The following RBFOX1 variants were observed in gnomAD, a reference collection of about 807,000 sequenced individuals.
RBFOX1 encodes the protein RNA binding protein fox-1 homolog 1.
RBFOX1 carries 8 observed loss-of-function variants against 57.7 expected under a neutral mutation model. The ratio of observed to expected loss-of-function variants is 0.14; its 90% CI spans 0.08 to 0.25. The LOEUF (loss-of-function observed/expected upper bound fraction) is 0.25, where lower values mean the gene tolerates loss of function less well. Among genes scored for constraint, RBFOX1 ranks in the 10% least tolerant of loss-of-function variants. The pLI is 1.00. For synonymous variants in RBFOX1, 326 were observed against 222.4 expected, an observed-to-expected ratio of 1.47 and a Z score of -4.15; for missense variants, 611 against 548.5, an observed-to-expected ratio of 1.11 and a Z score of -1.14.
chr16:7,092,764 A>G, intron 4 of RBFOX1, among the ~76,000 whole-genome samples: 1 of 152,194 alleles, frequency 6.6e-6, no homozygotes, highest in Non-Finnish European at 1.5e-5. Flanking sequence ...ATTGCTTGTT[A>G]ATATTAATCA....
chr16:7,095,842 C>T (rs1340694012), intron 4 of RBFOX1, among the ~76,000 whole-genome samples: 1 of 151,916 alleles, frequency 6.6e-6, no homozygotes, highest in Non-Finnish European at 1.5e-5. Context: ...GAAACACCTT[C>T]TGTACTAAAA....
rs990447088 is a variant in RBFOX1 at position 6,310,562 on chromosome 16, G to A, written c.-126-6433G>A. ...GTGGGCATTATTATACCCATTCTAT[G>A]GACAAAAAAACTGAAGCTCCAAGCG... is the stretch of plus-strand genomic sequence containing the variant. On this transcript the variant is annotated intron_variant, in intron 1 of 15. Transcript: ENST00000550418. 8.8e-5 allele frequency among the ~76,000 whole-genome samples: 12 copies of A among 136,340 alleles called. No homozygotes were observed. In the South Asian group the frequency reaches 2.6e-3, roughly 29 times the overall value. The allele number at this position is 136,340 out of a possible 152,430, so 89.4% of individuals were successfully genotyped here.
intron 3 of RBFOX1, among the ~76,000 whole-genome samples, chr16:5,767,626 G>C (rs1330803814): frequency 6.6e-6 from 1 of 151,962 alleles, no homozygotes; most frequent in Non-Finnish European, 1.5e-5. Context: ...GACACAACGG[G>C]ATTTGCCAGG....
intron 3 of RBFOX1, among the ~76,000 whole-genome samples, chr16:6,753,337 A>G (rs978805851): frequency 5.9e-5 from 9 of 152,208 alleles, no homozygotes; most frequent in African/African-American, 2.2e-4. Flanking sequence ...TGCATACTGC[A>G]GTATTGGAAA....
Position 7,268,985 on chromosome 16 carries a change from C to G in RBFOX1, c.27+216887C>G, listed in dbSNP as rs559298783. Among the ~76,000 whole-genome samples, 4 of 138,926 alleles carry G rather than the reference C, an allele frequency of 2.9e-5. No homozygotes were observed. In the South Asian group the frequency reaches 8.9e-4, roughly 31 times the overall value. 91.1% of individuals were successfully genotyped at this position (138,926 alleles called of 152,430 possible). A position where few individuals can be genotyped will look rare whatever the true frequency, so the allele number is the denominator to read the frequency against. On this transcript the variant is annotated intron_variant, in intron 4 of 15. Coordinates refer to ENST00000550418, the MANE Select transcript of RBFOX1 (RefSeq NM_018723.4). ...CCTGAAGGCAGAGTTTGCAGTGAGC[C>G]GAGATCACGCCAGTGCACTCCAGCT... is the stretch of plus-strand genomic sequence containing the variant.
chr16:7,041,297 T>C lies in RBFOX1; in HGVS notation c.-15-10760T>C, dbSNP rs554738499. 9.9e-5 allele frequency among the ~76,000 whole-genome samples: 15 copies of C among 152,140 alleles called. No homozygotes were observed. In the East Asian group the frequency reaches 2.9e-3, roughly 29 times the overall value. On this transcript the variant is annotated intron_variant, in intron 3 of 15. Transcript: ENST00000550418. The stretch of plus-strand genomic sequence containing the variant: ...TTGTTTACACGTTGTCAGTGGCTGC[T>C]TTTCCACCATAATGGGAGAACCGAG...
At chr16:6,679,159 C>T (rs902703698) in intron 3 of RBFOX1, among the ~76,000 whole-genome samples, 3 of 152,058 alleles carry the variant, frequency 2.0e-5, no homozygotes, top group African/African-American at 7.2e-5. Context: ...TTGCAGTGTT[C>T]CACCCATTCA....
chr16:5,736,870 C>T (rs902427280), intron 3 of RBFOX1, among the ~76,000 whole-genome samples: 1 of 148,334 alleles, frequency 6.7e-6, no homozygotes, highest in African/African-American at 2.5e-5. Flanking sequence ...TCTTTCCCTC[C>T]CTTCTTCCTT....
chr16:5,299,734 C>T (rs767884363), intron 1 of RBFOX1, among the ~76,000 whole-genome samples: 1 of 152,108 alleles, frequency 6.6e-6, no homozygotes, highest in Non-Finnish European at 1.5e-5. Flanking sequence ...ATGCCATTTG[C>T]AAATATTGAT....
At chr16:6,660,515 C>T (rs920646279) in intron 3 of RBFOX1, among the ~76,000 whole-genome samples, 1 of 152,182 alleles carries the variant, frequency 6.6e-6, no homozygotes, top group Non-Finnish European at 1.5e-5. Context: ...CTCAGAGATT[C>T]TTACTCCAGA....
At chr16:6,774,348 C>G (rs763265786) in intron 3 of RBFOX1, among the ~76,000 whole-genome samples, 1 of 151,924 alleles carries the variant, frequency 6.6e-6, no homozygotes, top group Non-Finnish European at 1.5e-5. Flanking sequence ...CTGGACATTT[C>G]TAACTGGCCA....
At chr16:6,843,317 C>T (rs1429614283) in intron 3 of RBFOX1, among the ~76,000 whole-genome samples, 1 of 151,186 alleles carries the variant, frequency 6.6e-6, no homozygotes, top group Non-Finnish European at 1.5e-5. Flanking sequence ...TCTTCTGGAG[C>T]AAATAGAGAA....
chr16:6,806,825 T>A (rs7202001), intron 3 of RBFOX1, among the ~76,000 whole-genome samples: 62 of 50,064 alleles, frequency 1.2e-3, no homozygotes, highest in African/African-American at 4.2e-3. Context: ...TAAATATATA[T>A]ATATATATAT....
chr16:7,393,904 A>G (rs1175483718), intron 4 of RBFOX1, among the ~76,000 whole-genome samples: 1 of 152,158 alleles, frequency 6.6e-6, no homozygotes, highest in East Asian at 1.9e-4. Flanking sequence ...AAGATGGTTC[A>G]TCAAGCTAGG....
intron 4 of RBFOX1, among the ~76,000 whole-genome samples, chr16:5,880,757 CAGAA>C (rs2057742409): frequency 1.3e-5 from 2 of 152,114 alleles, no homozygotes; most frequent in Admixed American, 6.6e-5. Context: ...GGCCTCCTTG[CAGAA>C]TAAAGATTTC....
chr16:7,131,528 A>C (rs2070395581), intron 4 of RBFOX1, among the ~76,000 whole-genome samples: 1 of 151,798 alleles, frequency 6.6e-6, no homozygotes, highest in African/African-American at 2.4e-5. Context: ...TAAACTCACC[A>C]TAATCAACCT....
chr16:6,542,965 C>T (rs2096844467), intron 2 of RBFOX1, among the ~76,000 whole-genome samples: 1 of 152,136 alleles, frequency 6.6e-6, no homozygotes, highest in Non-Finnish European at 1.5e-5. Context: ...TGCGGCATCA[C>T]TCTTATCCTG....
intron 4 of RBFOX1, among the ~76,000 whole-genome samples, chr16:7,229,341 G>T (rs1037062237): frequency 6.6e-6 from 1 of 152,030 alleles, no homozygotes; most frequent in Non-Finnish European, 1.5e-5. Context: ...GAAACTGCTC[G>T]GCTTTCCTTA....
chr16:5,298,177 A>C (rs1258731382), intron 1 of RBFOX1, among the ~76,000 whole-genome samples: 1 of 152,214 alleles, frequency 6.6e-6, no homozygotes, highest in East Asian at 1.9e-4. Context: ...GTTTAAGAAA[A>C]TTTGGAAGTT....
Sources: allele counts gnomAD v4.1 joint callset (sites outside exome capture counted in the v4.1 genomes callset), GRCh38; gene constraint gnomAD v4.1.1; transcripts MANE v1.5; gene names NCBI Gene and HGNC (gene_info 2026-07-23, HGNC 2026-07-21).